ZFHX3: variants seen among roughly 807,000 people sequenced by gnomAD.
The protein encoded by ZFHX3 is zinc finger homeobox 3.
ZFHX3 carries 42 observed loss-of-function variants against 279.1 expected under a neutral mutation model. The ratio of observed to expected loss-of-function variants is 0.15; its 90% CI spans 0.12 to 0.19. The LOEUF is 0.19. Ranked by LOEUF, ZFHX3 falls within the 10% of genes least tolerant of loss-of-function variation. The pLI is 1.00. For missense variants in ZFHX3, 4,981 were observed against 4,754.0 expected (o/e 1.05, Z -1.40); for synonymous variants, 2,293 against 1,957.8 (o/e 1.17, Z -4.52).
In ZFHX3 at chr16:72,785,976, CTTTA is replaced by C. The variant is rs2035352532; in HGVS notation, c.*1184_*1187del. On this transcript the variant is annotated 3_prime_UTR_variant, in exon 10 of 10. Transcript: ENST00000268489. ...CCCCTAGAATCCCTTGAAATTCTTT[CTTTA>C]GTTTTATAAAATAATTCTGCAGCTC... 1 of 152,112 alleles carries C rather than the reference CTTTA, an allele frequency of 6.6e-6. No homozygotes were observed. The allele number at this position is 152,112 out of a possible 1,614,324, so 9.4% of individuals were successfully genotyped here. A position where few individuals can be genotyped will look rare whatever the true frequency, so the allele number is the denominator to read the frequency against.
In ZFHX3 at chr16:72,788,757, C is replaced by T. The variant is rs200352144; in HGVS notation, c.9519G>A (p.Pro3173=). 52 of 1,575,972 alleles carry T rather than the reference C, an allele frequency of 3.3e-5. No individual in the cohort carries two copies. The Middle Eastern group carries it at 1.7e-3, about 52-fold the overall frequency. The change falls in exon 10 of 10, where the codon CCG becomes CCA. Residue 3173 remains proline (P), a synonymous_variant. Coordinates refer to ENST00000268489, the MANE Select transcript of ZFHX3 (RefSeq NM_006885.4). ...GLPTSGLPNK[P]SSASLSSPTP... ...TTGGGGAGCTCAGCGACGCTGAGGA[C>T]GGTTTATTTGGTAATCCAGAAGTGG...
intron 3 of ZFHX3, among the ~76,000 whole-genome samples, chr16:72,913,955 A>G (rs2144200072): frequency 6.6e-6 from 1 of 152,288 alleles, no homozygotes; most frequent in East Asian, 1.9e-4. Flanking sequence ...AGCCAGATGA[A>G]TGAGATGGCA....
chr16:73,170,223 G>GTTTTTTTTTTTTTTTTTTTTTTTTTTTT (rs1156523996), intron 5 of ZFHX3, among the ~76,000 whole-genome samples: 3 of 57,718 alleles, frequency 5.2e-5, no homozygotes, highest in African/African-American at 2.2e-4. Flanking sequence ...CCTTTCACTA[G>GTTTTTTTTTTTTTTTTTTTTTTTTTTTT]TTTTTTTTTT....
intron 5 of ZFHX3, among the ~76,000 whole-genome samples, chr16:73,216,033 A>G (rs8045415): frequency 1 from 151,810 of 152,328 alleles, 75,647 homozygotes; most frequent in East Asian, 1. Context: ...AGAAAGCACA[A>G]CTAACTTGAA....
intron 2 of ZFHX3, chr16:73,483,385 G>A (rs934352057): frequency 6.6e-6 from 3 of 455,204 alleles, no homozygotes; most frequent in Admixed American, 2.4e-5. Context: ...CAAGAGAGCC[G>A]GGAGCCAGGG....
intron 2 of ZFHX3, among the ~76,000 whole-genome samples, chr16:73,652,256 G>A (rs1053318281): frequency 5.3e-5 from 8 of 152,166 alleles, no homozygotes; most frequent in Non-Finnish European, 8.8e-5. Flanking sequence ...GCTACCACTC[G>A]TACCAAGGAG....
chr16:73,291,368 G>A (rs943123312), intron 4 of ZFHX3, among the ~76,000 whole-genome samples: 5 of 152,160 alleles, frequency 3.3e-5, no homozygotes, highest in South Asian at 2.1e-4. Context: ...AAAAGCTCTC[G>A]GAGTTTCCAG....
chr16:73,531,053 T>C (rs1311511846), intron 2 of ZFHX3, among the ~76,000 whole-genome samples: 1 of 152,234 alleles, frequency 6.6e-6, no homozygotes, highest in Non-Finnish European at 1.5e-5. Flanking sequence ...CAAATAGCTT[T>C]TTTCTTCCAA....
chr16:73,170,223 G>GTGTTTTTTTTTTTTT (rs1967487271), intron 5 of ZFHX3, among the ~76,000 whole-genome samples: 1 of 57,718 alleles, frequency 1.7e-5, no homozygotes, highest in Non-Finnish European at 2.9e-5. Flanking sequence ...CCTTTCACTA[G>GTGTTTTTTTTTTTTT]TTTTTTTTTT....
At chr16:73,669,995 A>G (rs1468206233) in intron 2 of ZFHX3, among the ~76,000 whole-genome samples, 2 of 152,242 alleles carry the variant, frequency 1.3e-5, no homozygotes, top group African/African-American at 2.4e-5. Context: ...TTTATCGAAG[A>G]TTAAACATTT....
At chr16:73,787,306 C>G (rs1344821272) in intron 1 of ZFHX3, among the ~76,000 whole-genome samples, 1 of 152,148 alleles carries the variant, frequency 6.6e-6, no homozygotes, top group Non-Finnish European at 1.5e-5. Context: ...ACAGTGTAAA[C>G]CCTTCAATAA....
chr16:73,407,915 C>T (rs1307480709), intron 3 of ZFHX3, among the ~76,000 whole-genome samples: 1 of 152,072 alleles, frequency 6.6e-6, no homozygotes, highest in Non-Finnish European at 1.5e-5. Context: ...CAATTCCTAC[C>T]CCAACCTCTG....
At chr16:72,803,454 G>A (rs890060534) in intron 7 of ZFHX3, among the ~76,000 whole-genome samples, 1 of 152,152 alleles carries the variant, frequency 6.6e-6, no homozygotes, top group Non-Finnish European at 1.5e-5. Context: ...AGCATAACCA[G>A]GGTCATGCCA....
chr16:72,866,532 C>T (rs2038028413), intron 4 of ZFHX3, among the ~76,000 whole-genome samples: 1 of 152,216 alleles, frequency 6.6e-6, no homozygotes, highest in Non-Finnish European at 1.5e-5. Context: ...GGTTATATAA[C>T]TTGACCAAGG....
intron 1 of ZFHX3, among the ~76,000 whole-genome samples, chr16:73,840,583 GT>G (rs1390420677): frequency 6.6e-6 from 1 of 152,154 alleles, no homozygotes; most frequent in Non-Finnish European, 1.5e-5. Context: ...AATGTTCCCT[GT>G]GTTCCAGAGT....
At chr16:73,878,366 A>C (rs529175897) in intron 1 of ZFHX3, among the ~76,000 whole-genome samples, 1 of 152,252 alleles carries the variant, frequency 6.6e-6, no homozygotes, top group African/African-American at 2.4e-5. Context: ...GAAGATGCAA[A>C]GTTTGTTAGG....
chr16:73,560,163 G>C lies in ZFHX3; in HGVS notation c.-1546-103905C>G, dbSNP rs548293806. Among the ~76,000 whole-genome samples the C allele has an allele frequency of 1.2e-4, 19 of 152,314 alleles. No homozygotes were observed. In the East Asian group the frequency reaches 1.7e-3, roughly 14 times the overall value. On this transcript the variant is annotated intron_variant, in intron 2 of 17. Coordinates refer to the ZFHX3 transcript ENST00000641206. ...ACTGGTTTTTGCACCAAATGTTAAA[G>C]TCATAAGATGCTGAAGATTTCCCAG...
intron 3 of ZFHX3, among the ~76,000 whole-genome samples, chr16:72,899,201 C>T (rs1034915893): frequency 6.6e-6 from 1 of 152,204 alleles, no homozygotes; most frequent in African/African-American, 2.4e-5. Context: ...TGTCCCCACG[C>T]AAATCTCATC....
intron 5 of ZFHX3, among the ~76,000 whole-genome samples, chr16:73,252,812 G>C (rs969099661): frequency 1.3e-5 from 2 of 152,158 alleles, no homozygotes; most frequent in African/African-American, 4.8e-5. Flanking sequence ...ATAGACCAAC[G>C]GGCAGACTCC....
Sources: allele counts gnomAD v4.1 joint callset (sites outside exome capture counted in the v4.1 genomes callset), GRCh38; gene constraint gnomAD v4.1.1; transcripts MANE v1.5; gene names NCBI Gene and HGNC (gene_info 2026-07-23, HGNC 2026-07-21).